The following CSMD3 variants were observed in gnomAD, a reference collection of about 807,000 sequenced individuals.
CSMD3 encodes CUB and Sushi multiple domains 3.
A neutral mutation model predicts 435.2 loss-of-function variants in CSMD3; 177 were observed. That is an observed-to-expected ratio of 0.41 (90% confidence interval 0.36 to 0.46). CSMD3 has a LOEUF of 0.46. Ranked by LOEUF, CSMD3 falls within the 20% of genes least tolerant of loss-of-function variation. CSMD3 has a pLI of 0.34. For synonymous variants in CSMD3, 1,656 were observed against 1,520.5 expected, an observed-to-expected ratio of 1.09 and a Z score of -2.07; for missense variants, 4,265 against 4,504.6, an observed-to-expected ratio of 0.95 and a Z score of 1.52.
chr8:112,577,183 A>G (rs528941371), intron 23 of CSMD3, among the ~76,000 whole-genome samples: 19 of 152,250 alleles, frequency 1.2e-4, no homozygotes, highest in African/African-American at 4.6e-4. Flanking sequence ...GAAGATTTTT[A>G]TAGTAATGAT....
chr8:113,044,653 G>C (rs1012360934), intron 5 of CSMD3, among the ~76,000 whole-genome samples: 1 of 148,724 alleles, frequency 6.7e-6, no homozygotes, highest in Non-Finnish European at 1.5e-5. Context: ...TAGTTTTTTG[G>C]AACTGGAATA....
intron 10 of CSMD3, among the ~76,000 whole-genome samples, chr8:112,921,047 C>A (rs2082729408): frequency 6.8e-6 from 1 of 147,880 alleles, no homozygotes; most frequent in Non-Finnish European, 1.5e-5. Context: ...ATATATACCT[C>A]CAGTAATTCC....
intron 17 of CSMD3, among the ~76,000 whole-genome samples, chr8:112,665,132 C>T (rs113200236): frequency 6.6e-5 from 10 of 152,200 alleles, no homozygotes; most frequent in African/African-American, 2.4e-4. Flanking sequence ...AACAGGCCAC[C>T]GACTGATCAG....
At chr8:113,028,695 A>C (rs904169914) in intron 5 of CSMD3, among the ~76,000 whole-genome samples, 2 of 151,528 alleles carry the variant, frequency 1.3e-5, no homozygotes, top group Non-Finnish European at 3.0e-5. Flanking sequence ...GCCAAAGCCT[A>C]ATTCAGAGTA....
chr8:112,718,041 G>A (rs1278973045), intron 13 of CSMD3, among the ~76,000 whole-genome samples: 1 of 151,904 alleles, frequency 6.6e-6, no homozygotes, highest in Admixed American at 6.6e-5. Context: ...TAATAAACCT[G>A]CATGTTCTGC....
At position 113,100,692 on chromosome 8, in the gene CSMD3, C is replaced by T. The variant is rs1330172594; in HGVS notation, c.710-1729G>A. 2.6e-5 allele frequency among the ~76,000 whole-genome samples: 4 copies of T among 152,116 alleles called. No homozygotes were observed. In the East Asian group the frequency reaches 7.7e-4, roughly 29 times the overall value. On this transcript the variant is annotated intron_variant, in intron 4 of 70. Transcript: ENST00000297405. The stretch of plus-strand genomic sequence containing the variant: ...ATGAAGTAAGGCATACGTTAATTAG[C>T]TCAATGTAGCCATTCCACAATGAAC...
intron 35 of CSMD3, among the ~76,000 whole-genome samples, chr8:112,401,053 A>C (rs995466444): frequency 6.6e-6 from 1 of 151,954 alleles, no homozygotes; most frequent in Non-Finnish European, 1.5e-5. Context: ...GTAAAAATAC[A>C]AAAAAATTAG....
At chr8:112,694,031 G>T (rs925915046) in intron 13 of CSMD3, among the ~76,000 whole-genome samples, 3 of 149,110 alleles carry the variant, frequency 2.0e-5, no homozygotes, top group Non-Finnish European at 4.5e-5. Flanking sequence ...TGACTTTAAT[G>T]ATTGTTATTT....
intron 4 of CSMD3, among the ~76,000 whole-genome samples, chr8:113,124,017 T>C (rs2091056782): frequency 6.6e-6 from 1 of 151,994 alleles, no homozygotes; most frequent in Admixed American, 6.6e-5. Flanking sequence ...CAAAAACTCA[T>C]TATCCAAGAG....
chr8:112,937,960 T>C (rs552620809), intron 9 of CSMD3, among the ~76,000 whole-genome samples: 2 of 152,274 alleles, frequency 1.3e-5, no homozygotes, highest in East Asian at 1.9e-4. Context: ...GTAAATTTTA[T>C]TCAAGTCAAA....
At chr8:113,420,136 T>G (rs528795308) in intron 1 of CSMD3, among the ~76,000 whole-genome samples, 17 of 152,154 alleles carry the variant, frequency 1.1e-4, no homozygotes, top group Non-Finnish European at 2.1e-4. Flanking sequence ...AGCTCTCAAC[T>G]TACATAAACA....
intron 12 of CSMD3, among the ~76,000 whole-genome samples, chr8:112,821,545 T>C (rs1164242190): frequency 6.6e-6 from 1 of 152,194 alleles, no homozygotes; most frequent in Non-Finnish European, 1.5e-5. Flanking sequence ...AGATTCTGAA[T>C]ATTAGATCTT....
At chr8:112,581,337 C>T (rs1280288948) in intron 23 of CSMD3, among the ~76,000 whole-genome samples, 2 of 151,910 alleles carry the variant, frequency 1.3e-5, no homozygotes, top group East Asian at 1.9e-4. Context: ...TAATCCAAAG[C>T]ACAATATGTT....
chr8:112,657,011 C>T (rs2075273033), intron 17 of CSMD3, among the ~76,000 whole-genome samples: 1 of 151,716 alleles, frequency 6.6e-6, no homozygotes, highest in South Asian at 2.1e-4. Flanking sequence ...TTATTAAACC[C>T]ACTTTCCAAG....
chr8:112,419,972 T>C (rs944212651), intron 32 of CSMD3, among the ~76,000 whole-genome samples: 2 of 152,172 alleles, frequency 1.3e-5, no homozygotes, highest in Admixed American at 1.3e-4. Context: ...TCAAATATGT[T>C]ATTAGCACTT....
chr8:112,325,739 A>G (rs555017765), intron 45 of CSMD3, among the ~76,000 whole-genome samples: 2 of 152,218 alleles, frequency 1.3e-5, no homozygotes, highest in South Asian at 2.1e-4. Context: ...GAGTAAGGAC[A>G]TAGTCTAGAC....
At chr8:112,310,160 T>C (rs930480241) in intron 50 of CSMD3, 1 of 152,236 alleles carries the variant, frequency 6.6e-6, no homozygotes, top group Middle Eastern at 3.1e-3. Context: ...TTTATGACTA[T>C]GACTACACTT....
At chr8:112,728,000 G>A (rs2077000264) in intron 13 of CSMD3, among the ~76,000 whole-genome samples, 1 of 151,846 alleles carries the variant, frequency 6.6e-6, no homozygotes, top group Non-Finnish European at 1.5e-5. Context: ...GAAATTATCT[G>A]GTGTAATGCT....
intron 3 of CSMD3, among the ~76,000 whole-genome samples, chr8:113,244,452 A>T (rs554328402): frequency 6.6e-6 from 1 of 152,040 alleles, no homozygotes; most frequent in East Asian, 1.9e-4. Context: ...AGTAGCTGGG[A>T]TTACAGGCAT....
Sources: allele counts gnomAD v4.1 joint callset (sites outside exome capture counted in the v4.1 genomes callset), GRCh38; gene constraint gnomAD v4.1.1; transcripts MANE v1.5; gene names NCBI Gene and HGNC (gene_info 2026-07-23, HGNC 2026-07-21).